DLG2: variants seen among roughly 807,000 people sequenced by gnomAD.
DLG2 encodes the protein disks large homolog 2.
In DLG2, 45 loss-of-function variants were observed where a neutral mutation model predicts 132.5. That is an observed-to-expected ratio of 0.34 (90% CI 0.27 to 0.44). The LOEUF (loss-of-function observed/expected upper bound fraction) is 0.44, where lower values mean the gene tolerates loss of function less well. Ranked by LOEUF, DLG2 falls within the 20% of genes least tolerant of loss-of-function variation. DLG2 has a pLI of 1.00. For missense variants in DLG2, 1,045 were observed against 1,196.9 expected, an observed-to-expected ratio of 0.87 and a Z score of 1.87; for synonymous variants, 424 against 419.6, an observed-to-expected ratio of 1.01 and a Z score of -0.13.
At chr11:83,770,973 G>A (rs1368246752) in intron 18 of DLG2, among the ~76,000 whole-genome samples, 3 of 152,132 alleles carry the variant, frequency 2.0e-5, no homozygotes, top group African/African-American at 7.2e-5. Context: ...AGGGAAAAAT[G>A]CATTCCTAAT....
At chr11:85,302,306 A>ACT (rs1684417162) in intron 3 of DLG2, among the ~76,000 whole-genome samples, 1 of 30,302 alleles carries the variant, frequency 3.3e-5, no homozygotes, top group Admixed American at 2.2e-4. Context: ...TAAAGAAATA[A>ACT]CATATTTTAC....
At chr11:85,259,387 GC>G (rs1276763787) in intron 4 of DLG2, among the ~76,000 whole-genome samples, 1 of 151,990 alleles carries the variant, frequency 6.6e-6, no homozygotes, top group Non-Finnish European at 1.5e-5. Context: ...AGAACTGTGA[GC>G]CAATTATACC....
At chr11:83,648,802 A>G (rs996774968) in intron 18 of DLG2, among the ~76,000 whole-genome samples, 1 of 152,134 alleles carries the variant, frequency 6.6e-6, no homozygotes, top group Non-Finnish European at 1.5e-5. Context: ...ATTGCACCAT[A>G]GCTATGCATT....
chr11:84,081,745 T>C (rs563855268), intron 10 of DLG2, among the ~76,000 whole-genome samples: 1 of 152,350 alleles, frequency 6.6e-6, no homozygotes, highest in East Asian at 1.9e-4. Context: ...TGCTTCCAAG[T>C]CTTTGCTATT....
rs142731960 is a variant in DLG2 at position 84,863,309 on chromosome 11, T to C, written c.357+248352A>G. On this transcript the variant is annotated intron_variant, in intron 6 of 27. Transcript: ENST00000376104. ...TTTACTATGGCTGTCCTTTCCATCT[T>C]AAATTCCCTATTTGAGGAAGTTTGA... Among the ~76,000 whole-genome samples the C allele has an allele frequency of 3.6e-3, 549 of 152,018 alleles. 3 individuals are homozygous for C. Among genetic ancestry groups the C allele is most frequent in the African/African-American group, 0.013 (524 of 41,534 alleles).
chr11:84,232,535 G>A (rs1306521762), intron 8 of DLG2, among the ~76,000 whole-genome samples: 1 of 152,146 alleles, frequency 6.6e-6, no homozygotes, highest in Non-Finnish European at 1.5e-5. Context: ...TTCAGATGGG[G>A]ACAATGGGAG....
At chr11:83,665,215 TG>T (rs1365494343) in intron 18 of DLG2, among the ~76,000 whole-genome samples, 3 of 152,046 alleles carry the variant, frequency 2.0e-5, no homozygotes, top group Admixed American at 2.0e-4. Context: ...AAAATAGAAC[TG>T]GGGTGTGAGG....
intron 2 of DLG2, among the ~76,000 whole-genome samples, chr11:85,622,080 A>ATG (rs1565775768): frequency 6.6e-6 from 1 of 152,224 alleles, no homozygotes; most frequent in Non-Finnish European, 1.5e-5. Context: ...CAACGAAGCA[A>ATG]GATCTTCCAC....
intron 8 of DLG2, among the ~76,000 whole-genome samples, chr11:84,183,555 G>C (rs893312498): frequency 2.6e-5 from 4 of 152,066 alleles, no homozygotes; most frequent in African/African-American, 9.7e-5. Context: ...AGTAAACTTG[G>C]AAATATATCA....
intron 6 of DLG2, among the ~76,000 whole-genome samples, chr11:84,843,355 A>C (rs1322674100): frequency 6.6e-6 from 1 of 151,356 alleles, no homozygotes; most frequent in Non-Finnish European, 1.5e-5. Flanking sequence ...TCCACCACTT[A>C]CTCACTATAT....
chr11:84,203,044 A>C (rs2096617224), intron 8 of DLG2, among the ~76,000 whole-genome samples: 1 of 152,206 alleles, frequency 6.6e-6, no homozygotes, highest in African/African-American at 2.4e-5. Flanking sequence ...CTGTTGTGGA[A>C]GACACTGTGG....
chr11:84,471,741 C>T (rs1482944945), intron 7 of DLG2, among the ~76,000 whole-genome samples: 1 of 151,632 alleles, frequency 6.6e-6, no homozygotes, highest in Non-Finnish European at 1.5e-5. Context: ...GGTCTGTCCT[C>T]CCTTCCTCAA....
chr11:84,892,336 C>A (rs2154064631), intron 6 of DLG2, among the ~76,000 whole-genome samples: 1 of 152,102 alleles, frequency 6.6e-6, no homozygotes, highest in Non-Finnish European at 1.5e-5. Context: ...CTTGTTTCAG[C>A]AAAATGTCAT....
At chr11:85,523,108 G>A (rs1220229135) in intron 3 of DLG2, among the ~76,000 whole-genome samples, 3 of 152,142 alleles carry the variant, frequency 2.0e-5, no homozygotes, top group Non-Finnish European at 4.4e-5. Flanking sequence ...CCTTGTGGGA[G>A]GTGATTGAAT....
chr11:84,486,369 A>T (rs1603093845), intron 7 of DLG2, among the ~76,000 whole-genome samples: 1 of 152,138 alleles, frequency 6.6e-6, no homozygotes, highest in East Asian at 1.9e-4. Flanking sequence ...GGAATAAATC[A>T]TCATTTTTCT....
At chr11:85,413,699 C>A (rs528385233) in intron 3 of DLG2, among the ~76,000 whole-genome samples, 1 of 151,710 alleles carries the variant, frequency 6.6e-6, no homozygotes, top group Admixed American at 6.6e-5. Flanking sequence ...GCTTTGTTGA[C>A]GATCAGTTAG....
rs2097593855 is a variant in DLG2, at chr11:84,264,838, T to C, written c.520-13547A>G. Among the ~76,000 whole-genome samples, 3 of 152,178 alleles carry C rather than the reference T, an allele frequency of 2.0e-5. No homozygotes were observed. In the South Asian group the frequency reaches 6.2e-4, roughly 32 times the overall value. On this transcript the variant is annotated intron_variant, in intron 7 of 27. Coordinates refer to ENST00000376104, the MANE Select transcript of DLG2 (RefSeq NM_001142699.3). Reference sequence around the variant, plus strand: ...ATGCTTTTATGTCATAGGATGAGCATCTTCTAGTCCTGCACTTGGATTTAG... The same window carrying C: ...ATGCTTTTATGTCATAGGATGAGCACCTTCTAGTCCTGCACTTGGATTTAG...
At chr11:83,791,174 C>T in intron 17 of DLG2, 1 of 642,962 alleles carries the variant, frequency 1.6e-6, no homozygotes, top group Non-Finnish European at 2.8e-6. Flanking sequence ...TGGCATGGGA[C>T]TGCAGTGATG....
intron 3 of DLG2, among the ~76,000 whole-genome samples, chr11:85,371,609 A>C (rs1053760023): frequency 6.6e-5 from 10 of 152,214 alleles, no homozygotes; most frequent in Admixed American, 1.3e-4. Flanking sequence ...AGCCAATAAA[A>C]GCCCCATGGG....
Sources: gnomAD v4.1 joint callset for allele counts (sites outside exome capture counted in the v4.1 genomes callset) on GRCh38, gnomAD v4.1.1 for gene constraint, MANE v1.5 for transcripts, NCBI Gene and HGNC (gene_info 2026-07-23, HGNC 2026-07-21) for gene names.